The following XRCC4 variants were observed in gnomAD, a reference collection of about 807,000 sequenced individuals.
The protein encoded by XRCC4 is DNA repair protein XRCC4.
Under a neutral mutation model 39.1 loss-of-function variants are expected in XRCC4, and 28 were observed. The observed-to-expected ratio is 0.72, with a 90% CI of 0.53 to 0.98. The LOEUF (loss-of-function observed/expected upper bound fraction) is 0.98, where lower values mean the gene tolerates loss of function less well. Ranked by LOEUF, XRCC4 falls within the 50% of genes least tolerant of loss-of-function variation. The pLI is 0.00. For synonymous variants in XRCC4, 123 were observed against 126.4 expected, an observed-to-expected ratio of 0.97 and a Z score of 0.18; for missense variants, 350 against 376.4, an observed-to-expected ratio of 0.93 and a Z score of 0.58.
downstream of XRCC4, among the ~76,000 whole-genome samples, chr5:83,358,392 TC>T (rs1224913317): frequency 6.6e-6 from 1 of 152,170 alleles, no homozygotes; most frequent in Admixed American, 6.6e-5. Flanking sequence ...CTCTTTTTTT[TC>T]TTTTCCTCTC....
At chr5:83,228,084 G>A (rs1369962233) in intron 6 of XRCC4, among the ~76,000 whole-genome samples, 2 of 152,004 alleles carry the variant, frequency 1.3e-5, no homozygotes, top group Non-Finnish European at 2.9e-5. Context: ...CTGTACCAGT[G>A]TCATGCTTGG....
At chr5:83,144,164 T>G (rs1748319895) in intron 3 of XRCC4, among the ~76,000 whole-genome samples, 1 of 152,094 alleles carries the variant, frequency 6.6e-6, no homozygotes, top group South Asian at 2.1e-4. Flanking sequence ...GTATTTGATT[T>G]TCCATTCCCA....
At chr5:83,342,411 A>G (rs189612200) in intron 7 of XRCC4, among the ~76,000 whole-genome samples, 16 of 152,278 alleles carry the variant, frequency 1.1e-4, no homozygotes, top group Admixed American at 7.9e-4. Flanking sequence ...CCCAATGTCT[A>G]TAAAGCATGT....
intron 7 of XRCC4, among the ~76,000 whole-genome samples, chr5:83,320,706 G>T (rs1160670204): frequency 6.6e-5 from 10 of 151,930 alleles, no homozygotes; most frequent in Non-Finnish European, 1.5e-5. Flanking sequence ...CAATATTGAG[G>T]CAAGACCCTG....
intron 7 of XRCC4, chr5:83,280,779 T>C (rs1233333540): frequency 6.0e-6 from 1 of 166,622 alleles, no homozygotes; most frequent in Non-Finnish European, 1.3e-5. Flanking sequence ...ACATGAATTT[T>C]AGAAGGTCAC....
At chr5:83,211,594 T>C (rs1345625501) in intron 6 of XRCC4, among the ~76,000 whole-genome samples, 3 of 152,170 alleles carry the variant, frequency 2.0e-5, no homozygotes, top group Non-Finnish European at 4.4e-5. Context: ...GAGGCTAGAC[T>C]TTCAACATAC....
In XRCC4 at chr5:83,092,618, T is replaced by C. The variant is rs1277255543; in HGVS notation, c.-10-12292T>C. Among the ~76,000 whole-genome samples the C allele has an allele frequency of 2.0e-5, 3 of 152,078 alleles. No individual in the cohort carries two copies. The East Asian group carries it at 5.8e-4, about 29-fold the overall frequency. On this transcript the variant is annotated intron_variant, in intron 1 of 7. Transcript: ENST00000396027. ...TTCAAGGGATATATATATTATAATA[T>C]GATGTAATTTAGACATTAGAAACAT...
chr5:83,121,676 A>C (rs7720024), intron 3 of XRCC4, among the ~76,000 whole-genome samples: 2,700 of 152,170 alleles, frequency 0.018, 71 homozygotes, highest in African/African-American at 0.062. Context: ...ACTTTCTCCA[A>C]GTTTGTGGGA....
At chr5:83,205,700 G>T (rs992993222) in intron 6 of XRCC4, among the ~76,000 whole-genome samples, 13 of 152,054 alleles carry the variant, frequency 8.5e-5, no homozygotes, top group African/African-American at 2.7e-4. Flanking sequence ...TGCCATTGTG[G>T]AGTTTAAATT....
intron 1 of XRCC4, among the ~76,000 whole-genome samples, chr5:83,103,009 G>GATACAT (rs1554054064): frequency 1.9e-5 from 2 of 106,464 alleles, no homozygotes; most frequent in Admixed American, 9.4e-5. Flanking sequence ...AGATAGAGCT[G>GATACAT]ATATATATAT....
intron 7 of XRCC4, among the ~76,000 whole-genome samples, chr5:83,293,924 CTTTTAAAAGTTGGTTTTA>C (rs1283770337): frequency 1.3e-5 from 2 of 151,928 alleles, no homozygotes; most frequent in East Asian, 3.9e-4. Context: ...TATCAGTATT[CTTTTAAAAGTTGGTTTTA>C]TTTTAAAAAT....
chr5:83,105,237 A>G (rs1746142792), intron 2 of XRCC4, among the ~76,000 whole-genome samples, 179 bp downstream of exon 2: 1 of 152,238 alleles, frequency 6.6e-6, no homozygotes, highest in Admixed American at 6.5e-5. Context: ...ATAGTAATAG[A>G]AAAACAAACG....
At chr5:83,313,954 A>G (rs1040068990) in intron 7 of XRCC4, among the ~76,000 whole-genome samples, 1 of 150,146 alleles carries the variant, frequency 6.7e-6, no homozygotes, top group African/African-American at 2.5e-5. Flanking sequence ...TAATTACTAC[A>G]TAGCTTTCTG....
At chr5:83,309,279 AAAAAAAAAAAAAAAAAAATAT>A (rs1162085008) in intron 7 of XRCC4, among the ~76,000 whole-genome samples, 1 of 122,670 alleles carries the variant, frequency 8.2e-6, no homozygotes, top group Non-Finnish European at 1.6e-5. Flanking sequence ...AAAAAAAAAA[AAAAAAAAAAAAAAAAAAATAT>A]ATATATATAT....
intron 7 of XRCC4, among the ~76,000 whole-genome samples, chr5:83,339,524 G>A (rs113796558): frequency 0.023 from 3,532 of 152,044 alleles, 129 homozygotes; most frequent in African/African-American, 0.08. Flanking sequence ...AACACCTAAT[G>A]TAAATGACTA....
intron 7 of XRCC4, among the ~76,000 whole-genome samples, chr5:83,302,818 G>A (rs1162951398): frequency 1.3e-5 from 2 of 152,246 alleles, no homozygotes; most frequent in Non-Finnish European, 2.9e-5. Flanking sequence ...CATTTGTTAC[G>A]TTTTTTAATC....
chr5:83,117,631 A>G (rs1039494614), intron 3 of XRCC4, among the ~76,000 whole-genome samples: 5 of 145,884 alleles, frequency 3.4e-5, no homozygotes, highest in African/African-American at 7.6e-5. Context: ...CTACATATAT[A>G]TGTGTGTGTG....
Position 83,278,937 on chromosome 5 carries a change from G to A in XRCC4, c.893+20260G>A, listed in dbSNP as rs112942997. The stretch of plus-strand genomic sequence containing the variant: ...GAGGAGGCGGAGGTTGCAGTGAGCC[G>A]AGATCGTGCCACTCCACTCCACCAC... On this transcript the variant is annotated intron_variant, in intron 7 of 7. Transcript: ENST00000396027. Among the ~76,000 whole-genome samples the A allele has an allele frequency of 3.5e-3, 515 of 146,684 alleles. 1 individual carries two copies. The highest frequency in any genetic ancestry group is 0.012 in the African/African-American group (490 of 39,676).
chr5:83,369,688 G>A, the XRCC4 span, among the ~76,000 whole-genome samples: 1 of 152,170 alleles, frequency 6.6e-6, no homozygotes, highest in South Asian at 2.1e-4. Flanking sequence ...CTTTGGTATT[G>A]TGAATAGAGA....
Sources: allele counts gnomAD v4.1 joint callset (sites outside exome capture counted in the v4.1 genomes callset), GRCh38; gene constraint gnomAD v4.1.1; transcripts MANE v1.5; gene names NCBI Gene and HGNC (gene_info 2026-07-23, HGNC 2026-07-21).